DYNC2H1: variants seen among roughly 807,000 people sequenced by gnomAD.
DYNC2H1 encodes dynein cytoplasmic 2 heavy chain 1.
Under a neutral mutation model 570.0 loss-of-function variants are expected in DYNC2H1, and 410 were observed. The observed-to-expected ratio is 0.72, with a 90% confidence interval of 0.66 to 0.78. The LOEUF (loss-of-function observed/expected upper bound fraction) is 0.78. DYNC2H1 is among the 30% of genes least tolerant of loss of function. The pLI is 0.00. For synonymous variants in DYNC2H1, 1,688 were observed against 1,677.6 expected (o/e 1.01, Z -0.15); for missense variants, 4,865 against 5,046.4 (o/e 0.96, Z 1.09).
intron 88 of DYNC2H1, among the ~76,000 whole-genome samples, chr11:103,477,832 CAAAAA>C (rs55817710): frequency 5.5e-5 from 4 of 72,620 alleles, no homozygotes; most frequent in Admixed American, 2.0e-4. Flanking sequence ...CTCCCCATCT[CAAAAA>C]AAAAAAAAAA....
At chr11:103,225,634 A>G (rs778058122) in intron 59 of DYNC2H1, among the ~76,000 whole-genome samples, 9 of 152,040 alleles carry the variant, frequency 5.9e-5, no homozygotes, top group Non-Finnish European at 7.4e-5. Flanking sequence ...TACCAGTGCA[A>G]TGCTGTTTTG....
chr11:103,388,011 T>G (rs181269175), intron 83 of DYNC2H1, among the ~76,000 whole-genome samples: 2,025 of 152,264 alleles, frequency 0.013, 46 homozygotes, highest in African/African-American at 0.045. Flanking sequence ...ATATGAACTT[T>G]AAAGTAGTTT....
intron 82 of DYNC2H1, among the ~76,000 whole-genome samples, chr11:103,350,258 T>A (rs1939980359): frequency 6.6e-6 from 1 of 152,188 alleles, no homozygotes; most frequent in African/African-American, 2.4e-5. Flanking sequence ...TATTGTTTAA[T>A]GAATTTCTAT....
chr11:103,140,767 G>A (rs1472487159), intron 17 of DYNC2H1, among the ~76,000 whole-genome samples: 1 of 152,128 alleles, frequency 6.6e-6, no homozygotes, highest in South Asian at 2.1e-4. Flanking sequence ...GCTAGATTGG[G>A]GAAGTTCTCC....
chr11:103,420,558 A>AT (rs1943452652), intron 84 of DYNC2H1, among the ~76,000 whole-genome samples: 1 of 152,216 alleles, frequency 6.6e-6, no homozygotes, highest in African/African-American at 2.4e-5. Flanking sequence ...GCCATAAGAG[A>AT]TTGGGGGCCA....
intron 84 of DYNC2H1, among the ~76,000 whole-genome samples, chr11:103,414,486 G>T (rs934609269): frequency 1.3e-5 from 2 of 152,064 alleles, no homozygotes; most frequent in African/African-American, 2.4e-5. Context: ...GGGCTTGGTG[G>T]CACGTGCCTG....
chr11:103,307,254 G>T (rs555092483), intron 77 of DYNC2H1, among the ~76,000 whole-genome samples: 1 of 152,086 alleles, frequency 6.6e-6, no homozygotes, highest in Non-Finnish European at 1.5e-5. Context: ...GTAAATAAGG[G>T]AATTAATATC....
rs978117105 is a variant in DYNC2H1 at position 103,163,353 on chromosome 11, G to A, written c.4611+206G>A. On this transcript the variant is annotated intron_variant, in intron 30 of 88. Transcript: ENST00000375735. The surrounding 1 kb of genome is among the most constrained non-coding windows in gnomAD (Gnocchi z 4.6). ...GATCCAAGCAACCTAGGCCAGTGGTGAGTAGGATGGGGAGGAGGGAATCAG... is the reference window on the plus strand; with the variant it reads ...GATCCAAGCAACCTAGGCCAGTGGTAAGTAGGATGGGGAGGAGGGAATCAG... Among the ~76,000 whole-genome samples the A allele has an allele frequency of 6.6e-6, 1 of 152,178 alleles. No individual in the cohort carries two copies. Among genetic ancestry groups the A allele is most frequent in the South Asian group, 2.1e-4 (1 of 4,822 alleles).
Position 103,399,716 on chromosome 11 carries a change from T to A in DYNC2H1, c.12210T>A (p.Ser4070=). The A allele has an allele frequency of 6.2e-7, 1 of 1,613,816 alleles. No individual in the cohort carries two copies. The highest frequency in any genetic ancestry group is 8.5e-7 in the Non-Finnish European group (1 of 1,179,820). The change falls in exon 84 of 89, where the codon TCT becomes TCA. Residue 4070 remains serine, a synonymous_variant. Transcript: ENST00000375735. ...KVPPPNDRQG[S]PILSFIILEQ... ...CTCCTCCTAACGATCGACAAGGATC[T>A]CCAATACTGTCATTCATCATTCTTG...
rs1865449540 is a variant in DYNC2H1, at chr11:103,264,954, G to A, written c.10695+4977G>A. ...GTCTCTGTTTGGAGATGACATGATTGTATATTTAGAAAACCCCATCGTCTC... is the reference window on the plus strand; with the variant it reads ...GTCTCTGTTTGGAGATGACATGATTATATATTTAGAAAACCCCATCGTCTC... On this transcript the variant is annotated intron_variant, in intron 70 of 88. Coordinates refer to ENST00000375735, the MANE Select transcript of DYNC2H1 (RefSeq NM_001377.3). This position sits in a 1 kb window ranked among gnomAD's most constrained non-coding sequence, Gnocchi z 4.8. 6.6e-6 allele frequency among the ~76,000 whole-genome samples: 1 copy of A among 152,130 alleles called. No homozygotes were observed. Among genetic ancestry groups the A allele is most frequent in the Non-Finnish European group, 1.5e-5 (1 of 68,024 alleles).
chr11:103,435,274 C>T (rs1049921161), intron 84 of DYNC2H1, among the ~76,000 whole-genome samples: 2 of 151,980 alleles, frequency 1.3e-5, no homozygotes, highest in South Asian at 4.2e-4. Context: ...TCCTTATTAC[C>T]ACACTTCAGA....
At position 103,414,723 on chromosome 11, in the gene DYNC2H1, T is replaced by TCCTATACATCAATA. The variant is rs555104723; in HGVS notation, c.12366+14852_12366+14865dup. On this transcript the variant is annotated intron_variant, in intron 84 of 88. Transcript: ENST00000375735. ...ATCAGTGTGCAAAATTCACAAGCAT[T>TCCTATACATCAATA]CCTATACATCAATAATAGACAAGCA... Among the ~76,000 whole-genome samples the TCCTATACATCAATA allele has an allele frequency of 1.8e-3, 274 of 152,244 alleles. 1 individual carries two copies. The highest frequency in any genetic ancestry group is 9.1e-3 in the South Asian group (44 of 4,820).
At position 103,163,199 on chromosome 11, in the gene DYNC2H1, C is replaced by T. The variant is rs1046694292; in HGVS notation, c.4611+52C>T. 1.3e-6 allele frequency: 2 copies of T among 1,539,900 alleles called. No individual in the cohort carries two copies. Among genetic ancestry groups the T allele is most frequent in the East Asian group, 4.6e-5 (2 of 43,348 alleles). On this transcript the variant is annotated intron_variant, in intron 30 of 88. Coordinates refer to ENST00000375735, the MANE Select transcript of DYNC2H1 (RefSeq NM_001377.3). This position sits in a 1 kb window ranked among gnomAD's most constrained non-coding sequence, Gnocchi z 4.6. ...CATAGGCATGGAACGTGGAAAGATC[C>T]CTGACCTAGAAGCCAGGAGGCTCAG...
intron 83 of DYNC2H1, among the ~76,000 whole-genome samples, chr11:103,393,248 T>C (rs1472218742): frequency 6.6e-6 from 1 of 152,224 alleles, no homozygotes; most frequent in African/African-American, 2.4e-5. Context: ...TAGTCAGTAC[T>C]CCATGAAAAT....
At chr11:103,332,633 G>A (rs956581240) in intron 82 of DYNC2H1, among the ~76,000 whole-genome samples, 1 of 152,142 alleles carries the variant, frequency 6.6e-6, no homozygotes, top group African/African-American at 2.4e-5. Context: ...TGGAATCGTG[G>A]TAACTTTAAA....
In DYNC2H1 at chr11:103,299,586, T is replaced by A. The variant is rs1433481262; in HGVS notation, c.11096-3507T>A. 6.6e-6 allele frequency among the ~76,000 whole-genome samples: 1 copy of A among 152,128 alleles called. No individual in the cohort carries two copies. The highest frequency in any genetic ancestry group is 1.5e-5 in the Non-Finnish European group (1 of 68,004). ...CCTTCCTCCATCCTTAAAGCCAACA[T>A]TAGCAGATCGATTCCTTTGCATGCT... On this transcript the variant is annotated intron_variant, in intron 75 of 88. Transcript: ENST00000375735. This position sits in a 1 kb window ranked among gnomAD's most constrained non-coding sequence, Gnocchi z 4.5.
At chr11:103,478,554 A>T (rs1945640325) in intron 88 of DYNC2H1, among the ~76,000 whole-genome samples, 1 of 152,218 alleles carries the variant, frequency 6.6e-6, no homozygotes, top group African/African-American at 2.4e-5. Context: ...GCAACGTGAT[A>T]CCATGGGAAC....
chr11:103,384,748 T>C (rs1014571205), intron 83 of DYNC2H1, among the ~76,000 whole-genome samples: 1 of 152,144 alleles, frequency 6.6e-6, no homozygotes, highest in Non-Finnish European at 1.5e-5. Context: ...CTGTCTTTCT[T>C]GTTGTTGTAG....
At chr11:103,434,012 T>C (rs1943981023) in intron 84 of DYNC2H1, among the ~76,000 whole-genome samples, 1 of 152,140 alleles carries the variant, frequency 6.6e-6, no homozygotes, top group African/African-American at 2.4e-5. Context: ...AATTTTGTAT[T>C]GTTTCCTAGG....
Sources: gnomAD v4.1 joint callset for allele counts (sites outside exome capture counted in the v4.1 genomes callset) on GRCh38, gnomAD v4.1.1 for gene constraint, Gnocchi (gnomAD v3.1) non-coding constraint, MANE v1.5 for transcripts, NCBI Gene and HGNC (gene_info 2026-07-23, HGNC 2026-07-21) for gene names.